The following NXPH2 variants were observed in gnomAD, a reference collection of about 807,000 sequenced individuals.
The protein encoded by NXPH2 is neurexophilin 2, also known as neurexophilin-2.
NXPH2 carries 5 observed loss-of-function variants against 19.8 expected under a neutral mutation model. That is an observed-to-expected ratio of 0.25 (90% CI 0.13 to 0.53). The LOEUF is 0.53. Ranked by LOEUF, NXPH2 falls within the 20% of genes least tolerant of loss-of-function variation. The pLI, the probability that NXPH2 is intolerant of heterozygous loss-of-function variation, is 0.96. For missense variants in NXPH2, 289 were observed against 322.8 expected, an observed-to-expected ratio of 0.90 and a Z score of 0.80; for synonymous variants, 154 against 127.4, an observed-to-expected ratio of 1.21 and a Z score of -1.41.
At chr2:138,720,638 G>A (rs1681265498) in intron 1 of NXPH2, among the ~76,000 whole-genome samples, 1 of 152,236 alleles carries the variant, frequency 6.6e-6, no homozygotes, top group African/African-American at 2.4e-5. Flanking sequence ...CTCTTTGAAG[G>A]AACTGTAATC....
chr2:138,768,898 A>G (rs1425731442), intron 1 of NXPH2, among the ~76,000 whole-genome samples: 1 of 152,230 alleles, frequency 6.6e-6, no homozygotes, highest in Non-Finnish European at 1.5e-5. Context: ...CTTGTCCAAG[A>G]TGCCAGAGGA....
At chr2:138,725,430 T>C (rs890509702) in intron 1 of NXPH2, among the ~76,000 whole-genome samples, 2 of 152,306 alleles carry the variant, frequency 1.3e-5, no homozygotes, top group African/African-American at 4.8e-5. Flanking sequence ...TGGGGAAGGA[T>C]TGAGAAAGGA....
At chr2:138,706,926 A>AAAAGTT (rs202243911) in intron 1 of NXPH2, among the ~76,000 whole-genome samples, 1,643 of 151,846 alleles carry the variant, frequency 0.011, 30 homozygotes, top group African/African-American at 0.037. Flanking sequence ...AATAAAGAAA[A>AAAAGTT]AAAAGTTAAG....
intron 1 of NXPH2, among the ~76,000 whole-genome samples, chr2:138,774,383 A>T (rs371470783): frequency 6.6e-6 from 1 of 152,186 alleles, no homozygotes; most frequent in South Asian, 2.1e-4. Context: ...AGTGTTTTAA[A>T]TCTACTTCTA....
intron 1 of NXPH2, among the ~76,000 whole-genome samples, chr2:138,762,379 T>C (rs60831206): frequency 6.6e-6 from 1 of 152,324 alleles, no homozygotes; most frequent in African/African-American, 2.4e-5. Flanking sequence ...CATTCAAAGA[T>C]CACAGCCCTT....
rs562293721 is a variant in NXPH2 at position 138,764,763 on chromosome 2, C to A, written c.51+15428G>T. Among the ~76,000 whole-genome samples, 117 of 152,214 alleles carry A rather than the reference C, an allele frequency of 7.7e-4. 1 individual carries two copies. The highest frequency in any genetic ancestry group is 2.7e-3 in the African/African-American group (113 of 41,526). The stretch of plus-strand genomic sequence containing the variant: ...AACTACAAATTAGCTTTGCTCTTCC[C>A]AGTAGGAAAGTTATAAATGAAAACA... On this transcript the variant is annotated intron_variant, in intron 1 of 1. Transcript: ENST00000272641.
chr2:138,696,978 A>G (rs1355145366), intron 1 of NXPH2, among the ~76,000 whole-genome samples: 1 of 152,198 alleles, frequency 6.6e-6, no homozygotes, highest in African/African-American at 2.4e-5. Flanking sequence ...TAGAGAAAAC[A>G]TAAGTAGGTA....
At chr2:138,753,247 T>G (rs187483579) in intron 1 of NXPH2, among the ~76,000 whole-genome samples, 1 of 152,332 alleles carries the variant, frequency 6.6e-6, no homozygotes, top group Admixed American at 6.5e-5. Flanking sequence ...TAATTTACTC[T>G]GTTGTTCACA....
chr2:138,671,591 C>A lies in NXPH2; in HGVS notation c.126G>T (p.Thr42=), dbSNP rs1161653024. Residue 42 remains threonine (T), a synonymous_variant, in exon 2 of 2, where the codon ACG becomes ACT. Coordinates refer to ENST00000272641, the MANE Select transcript of NXPH2 (RefSeq NM_007226.3). ...LDWEDKDAPG[T]LVGNVVHSRI... is the part of the protein sequence containing the mutation. Reference sequence around the variant, plus strand: ...TTGAGTGCACCACGTTGCCGACCAACGTCCCTGGAGCATCTTTGTCTTCCC... The same window carrying A: ...TTGAGTGCACCACGTTGCCGACCAAAGTCCCTGGAGCATCTTTGTCTTCCC... 1 of 1,612,542 alleles carries A rather than the reference C, an allele frequency of 6.2e-7. No individual in the cohort carries two copies. The highest frequency in any genetic ancestry group is 8.5e-7 in the Non-Finnish European group (1 of 1,179,252).
intron 1 of NXPH2, among the ~76,000 whole-genome samples, chr2:138,690,729 C>T (rs560468811): frequency 6.6e-6 from 1 of 152,182 alleles, no homozygotes; most frequent in Non-Finnish European, 1.5e-5. Context: ...TTGGGGGACA[C>T]CCCCATATTT....
intron 1 of NXPH2, among the ~76,000 whole-genome samples, chr2:138,704,691 C>T (rs1680981461): frequency 6.6e-6 from 1 of 152,142 alleles, no homozygotes; most frequent in Non-Finnish European, 1.5e-5. Context: ...GTCTTGCTCT[C>T]TCAGCAAGTC....
At chr2:138,753,622 A>T (rs1681858792) in intron 1 of NXPH2, among the ~76,000 whole-genome samples, 2 of 152,130 alleles carry the variant, frequency 1.3e-5, no homozygotes, top group South Asian at 2.1e-4. Context: ...AAATATTTTT[A>T]TGTGCAACCA....
chr2:138,674,403 C>T (rs1680456285), intron 1 of NXPH2, among the ~76,000 whole-genome samples: 1 of 152,158 alleles, frequency 6.6e-6, no homozygotes, highest in Non-Finnish European at 1.5e-5. Flanking sequence ...ATCTGCCTGC[C>T]TTGGCCTCCC....
chr2:138,727,179 C>T (rs1558923263), intron 1 of NXPH2, among the ~76,000 whole-genome samples: 1 of 152,162 alleles, frequency 6.6e-6, no homozygotes, highest in Non-Finnish European at 1.5e-5. Flanking sequence ...TATCCACTCA[C>T]CCATCAAAGG....
chr2:138,707,126 A>AAAAAAAAAAAT, intron 1 of NXPH2, among the ~76,000 whole-genome samples: 1 of 145,850 alleles, frequency 6.9e-6, no homozygotes, highest in South Asian at 2.2e-4. Flanking sequence ...CAAGAAGAAG[A>AAAAAAAAAAAT]AGCAACAGCT....
chr2:138,734,873 C>A (rs79888303), intron 1 of NXPH2, among the ~76,000 whole-genome samples: 4 of 152,026 alleles, frequency 2.6e-5, no homozygotes, highest in Non-Finnish European at 5.9e-5. Context: ...ACTGAGCTCA[C>A]GTGGCTCAGA....
chr2:138,720,344 T>C (rs1485655235), intron 1 of NXPH2, among the ~76,000 whole-genome samples: 1 of 152,118 alleles, frequency 6.6e-6, no homozygotes, highest in Non-Finnish European at 1.5e-5. Flanking sequence ...TGACGAAACA[T>C]GAGTATTTAC....
At chr2:138,690,224 C>G (rs1042669375) in intron 1 of NXPH2, among the ~76,000 whole-genome samples, 4 of 152,188 alleles carry the variant, frequency 2.6e-5, no homozygotes, top group African/African-American at 4.8e-5. Context: ...CATTTTCACT[C>G]TTGAATTCAT....
chr2:138,680,332 A>C (rs1298970345), intron 1 of NXPH2, among the ~76,000 whole-genome samples: 1 of 152,210 alleles, frequency 6.6e-6, no homozygotes, highest in Non-Finnish European at 1.5e-5. Flanking sequence ...TACAGGTAGG[A>C]ATACTTGTAA....
Sources: gnomAD v4.1 joint callset for allele counts (sites outside exome capture counted in the v4.1 genomes callset) on GRCh38, gnomAD v4.1.1 for gene constraint, MANE v1.5 for transcripts, NCBI Gene and HGNC (gene_info 2026-07-23, HGNC 2026-07-21) for gene names.